The following ZNF682 variants were observed in gnomAD, a reference collection of about 807,000 sequenced individuals.
ZNF682 encodes zinc finger protein 682.
In ZNF682, 29 loss-of-function variants were observed where a neutral mutation model predicts 36.5. The observed-to-expected ratio is 0.80, with a 90% CI of 0.59 to 1.08. The LOEUF (loss-of-function observed/expected upper bound fraction) is 1.08. Ranked by LOEUF, ZNF682 falls within the 50% of genes least tolerant of loss-of-function variation. The pLI, the probability that ZNF682 is intolerant of heterozygous loss-of-function variation, is 0.00. For missense variants in ZNF682, 561 were observed against 579.7 expected (o/e 0.97, Z 0.33); for synonymous variants, 180 against 197.0 (o/e 0.91, Z 0.72).
At position 20,006,792 on chromosome 19, in the gene ZNF682, G is replaced by C. The variant is rs1462056963; in HGVS notation, c.710C>G (p.Ala237Gly). 5 of 1,614,000 alleles carry C rather than the reference G, an allele frequency of 3.1e-6. No individual in the cohort carries two copies. Among genetic ancestry groups the C allele is most frequent in the Non-Finnish European group, 4.2e-6 (5 of 1,179,986 alleles). ...AGTAAGACTCGAGCACCAGTTAAAA[G>C]CTTTGCCACATTCTTCACATTTGTA... ...KPYKCEECGK[A>G]FNWCSSLTKH... Residue 237 changes from alanine to glycine, a missense_variant, in exon 4 of 4, where the codon GCT becomes GGT. Transcript: ENST00000397165.
chr19:20,005,737 G>T lies in ZNF682; in HGVS notation c.*268C>A. 1 of 431,608 alleles carries T rather than the reference G, an allele frequency of 2.3e-6. No individual in the cohort carries two copies. The highest frequency in any genetic ancestry group is 4.1e-6 in the Non-Finnish European group (1 of 242,888). 26.7% of individuals were successfully genotyped at this position (431,608 alleles called of 1,614,324 possible). On this transcript the variant is annotated 3_prime_UTR_variant, in exon 4 of 4. Transcript: ENST00000397165. ...TAATGTGTATCATTACACTTACATT[G>T]CTTTTATCTAGCACAAAACCTCTGA...
chr19:20,002,476 A>G (rs2088174959), downstream of ZNF682, among the ~76,000 whole-genome samples: 2 of 152,188 alleles, frequency 1.3e-5, no homozygotes, highest in South Asian at 2.1e-4. Context: ...TCCATTCACT[A>G]AATACACGTA....
chr19:19,997,234 T>C (rs2088133440), exon 4 of ZNF682: 1 of 398,672 alleles, frequency 2.5e-6, no homozygotes, highest in Non-Finnish European at 4.4e-6. Flanking sequence ...AGGACAGGAC[T>C]GGGGTCCTAC....
chr19:20,004,695 G>A lies in ZNF682; in HGVS notation c.*1310C>T, dbSNP rs1183857020. ...AGTATGTAAATGACATCCTAATATAGAACTTCTCAAACCCCGAGCAGCAGA... is the reference window on the plus strand; with the variant it reads ...AGTATGTAAATGACATCCTAATATAAAACTTCTCAAACCCCGAGCAGCAGA... On this transcript the variant is annotated 3_prime_UTR_variant, in exon 4 of 4. Coordinates refer to ENST00000397165, the MANE Select transcript of ZNF682 (RefSeq NM_033196.3). The A allele has an allele frequency of 6.6e-6, 1 of 152,062 alleles. No individual in the cohort carries two copies. The highest frequency in any genetic ancestry group is 2.4e-5 in the African/African-American group (1 of 41,374). The allele number at this position is 152,062 out of a possible 1,614,324, so 9.4% of individuals were successfully genotyped here.
intron 3 of ZNF682, among the ~76,000 whole-genome samples, chr19:19,999,292 C>T (rs898516639): frequency 6.6e-6 from 1 of 152,210 alleles, no homozygotes; most frequent in African/African-American, 2.4e-5. Flanking sequence ...CTCCATTGGA[C>T]AGAAGCTGAA....
intron 1 of ZNF682, 155 bp downstream of exon 1, chr19:20,039,188 C>T (rs2122403439): frequency 2.1e-6 from 3 of 1,419,748 alleles, no homozygotes; most frequent in Non-Finnish European, 2.8e-6. Flanking sequence ...ATCCTGTGCC[C>T]GGAGGTGATC....
chr19:20,019,037 T>A (rs899111238), intron 3 of ZNF682, among the ~76,000 whole-genome samples: 5 of 152,132 alleles, frequency 3.3e-5, no homozygotes, highest in Non-Finnish European at 7.4e-5. Flanking sequence ...ATAAACAATG[T>A]CTAAAACTCA....
intron 3 of ZNF682, among the ~76,000 whole-genome samples, chr19:20,017,978 C>T (rs1450234411): frequency 6.7e-6 from 1 of 149,436 alleles, no homozygotes; most frequent in Non-Finnish European, 1.5e-5. Flanking sequence ...AAGATGTCAA[C>T]ATGCACAGCC....
chr19:20,002,418 A>C (rs1318205475), downstream of ZNF682, among the ~76,000 whole-genome samples: 1 of 152,182 alleles, frequency 6.6e-6, no homozygotes, highest in Non-Finnish European at 1.5e-5. Context: ...GGGTGCTGAA[A>C]GACGGGCCTC....
intron 1 of ZNF682, among the ~76,000 whole-genome samples, chr19:20,037,200 T>TA (rs953817849): frequency 6.6e-6 from 1 of 151,912 alleles, no homozygotes; most frequent in Non-Finnish European, 1.5e-5. Flanking sequence ...TGTGTGCACA[T>TA]AAAAAAAGGG....
intron 1 of ZNF682, chr19:20,031,105 A>G (rs2088475759): frequency 6.6e-6 from 1 of 152,276 alleles, no homozygotes. Context: ...GGAAACACTG[A>G]GACTGATTCT....
intron 3 of ZNF682, among the ~76,000 whole-genome samples, chr19:20,013,412 TAA>T (rs2088307520): frequency 6.6e-6 from 1 of 152,124 alleles, no homozygotes; most frequent in Non-Finnish European, 1.5e-5. Flanking sequence ...CTTTCAGTAA[TAA>T]GTTATAAAGC....
intron 1 of ZNF682, among the ~76,000 whole-genome samples, chr19:20,028,836 A>G (rs750043537): frequency 8.5e-5 from 13 of 152,190 alleles, no homozygotes; most frequent in Non-Finnish European, 1.9e-4. Context: ...GCTCAGAAGC[A>G]CACTATAGAG....
chr19:20,003,968 AT>A (rs2088188362), downstream of ZNF682, among the ~76,000 whole-genome samples: 1 of 152,194 alleles, frequency 6.6e-6, no homozygotes, highest in Admixed American at 6.5e-5. Context: ...TTCAAATACA[AT>A]TACTTGCTTC....
downstream of ZNF682, among the ~76,000 whole-genome samples, chr19:20,001,305 T>G (rs959348569): frequency 6.6e-6 from 1 of 152,132 alleles, no homozygotes; most frequent in African/African-American, 2.4e-5. Context: ...AAGCCAACAC[T>G]ATGACTAGGG....
chr19:20,023,242 T>A, intron 2 of ZNF682, 143 bp from the exon 3 acceptor site: 1 of 661,962 alleles, frequency 1.5e-6, no homozygotes, highest in Non-Finnish European at 2.4e-6. Context: ...CTCATACCTG[T>A]AATCCCAACA....
intron 1 of ZNF682, chr19:20,030,601 T>C (rs1250451739): frequency 1.3e-5 from 2 of 152,054 alleles, no homozygotes; most frequent in Admixed American, 6.6e-5. Flanking sequence ...ATAACTATAA[T>C]AACAACTCTT....
chr19:20,016,233 C>A (rs995476320), intron 3 of ZNF682, among the ~76,000 whole-genome samples: 49 of 152,086 alleles, frequency 3.2e-4, no homozygotes, highest in Non-Finnish European at 6.8e-4. Flanking sequence ...TAGAGCCAGT[C>A]TATAAATATT....
downstream of ZNF682, among the ~76,000 whole-genome samples, chr19:20,001,178 T>C (rs1368332418): frequency 6.6e-6 from 1 of 152,228 alleles, no homozygotes; most frequent in Non-Finnish European, 1.5e-5. Context: ...GTTTTCACTT[T>C]ACATCAAGCC....
Sources: gnomAD v4.1 joint callset for allele counts (sites outside exome capture counted in the v4.1 genomes callset) on GRCh38, gnomAD v4.1.1 for gene constraint, MANE v1.5 for transcripts, NCBI Gene and HGNC (gene_info 2026-07-23, HGNC 2026-07-21) for gene names.